ATP2B3: variants seen among roughly 807,000 people sequenced by gnomAD.
The protein encoded by ATP2B3 is ATPase plasma membrane Ca2+ transporting 3, also known as plasma membrane calcium-transporting ATPase 3.
ATP2B3 carries 12 observed loss-of-function variants against 70.8 expected under a neutral mutation model. The ratio of observed to expected loss-of-function variants is 0.17; its 90% CI spans 0.11 to 0.27. The LOEUF is 0.27. ATP2B3 is among the 10% of genes least tolerant of loss of function. The pLI, the probability that ATP2B3 is intolerant of heterozygous loss-of-function variation, is 1.00. For synonymous variants in ATP2B3, 460 were observed against 497.8 expected (o/e 0.92, Z 1.01); for missense variants, 858 against 1,118.5 (o/e 0.77, Z 3.32).
chrX:153,570,323 G>C (rs2090769593), intron 21 of ATP2B3, among the ~76,000 whole-genome samples: 1 of 112,559 alleles, frequency 8.9e-6, no homozygotes, highest in African/African-American at 3.2e-5. Flanking sequence ...CCCCAGGTGG[G>C]CTCAGTGCTG....
chrX:153,541,845 T>G lies in ATP2B3; in HGVS notation c.583T>G (p.Phe195Val). 1 of 1,211,146 alleles carries G rather than the reference T, an allele frequency of 8.3e-7. No homozygotes were observed. The highest frequency in any genetic ancestry group is 2.2e-5 in the Admixed American group (1 of 46,040). The change falls in exon 5 of 22, where the codon TTC (phenylalanine) becomes GTC (valine). Residue 195 changes from phenylalanine (F) to valine (V), a missense_variant. By Grantham distance (50) the Phe-to-Val change is conservative. Around this residue, in one of 5 missense-constraint regions of ATP2B3, gnomAD observed 278 missense variants for 366.2 expected, o/e 0.76. Transcript: ENST00000263519. ...GAGCCGAATTGAGCAGGAGCAGAAG[T>G]TCACGGTCATCCGGAACGGGCAGCT... Reference protein sequence around the residue: ...LQSRIEQEQKFTVIRNGQLLQ... With the variant: ...LQSRIEQEQKVTVIRNGQLLQ...
At chrX:153,553,360 C>A in intron 13 of ATP2B3, 91 bp downstream of exon 13, 1 of 794,961 alleles carries the variant, frequency 1.3e-6, no homozygotes, top group Non-Finnish European at 1.8e-6. Flanking sequence ...CCTTCACACA[C>A]AGCTGCTGCG....
At chrX:153,560,635 G>A (rs782473892) in intron 18 of ATP2B3, 41 bp from the exon 19 acceptor site, 78 of 1,188,219 alleles carry the variant, frequency 6.6e-5, no homozygotes, top group Non-Finnish European at 8.4e-5. Context: ...TGCGTCATGC[G>A]CTGAGATGAC....
intron 20 of ATP2B3, among the ~76,000 whole-genome samples, chrX:153,563,136 C>CTTTTTTTTTTTTTT (rs36131654): frequency 2.0e-5 from 1 of 48,795 alleles, no homozygotes; most frequent in Non-Finnish European, 3.3e-5. Flanking sequence ...CTGGCTTTTC[C>CTTTTTTTTTTTTTT]TTTTTTTTTT....
Position 153,541,767 on chromosome X carries a change from C to G in ATP2B3, c.505C>G (p.Leu169Val), listed in dbSNP as rs782555461. The change falls in exon 5 of 22, where the codon CTG becomes GTG. Residue 169 changes from leucine to valine, a missense_variant. Transcript: ENST00000263519. ...CCTGCTGTCCGTCATCTGTGTGGTG[C>G]TGGTCACGGCCTTCAATGACTGGAG... ...AILLSVICVV[L>V]VTAFNDWSKE... 13 of 1,209,983 alleles carry G rather than the reference C, an allele frequency of 1.1e-5. No homozygotes were observed. Among genetic ancestry groups the G allele is most frequent in the African/African-American group, 3.5e-5 (2 of 57,271 alleles).
intron 2 of ATP2B3, among the ~76,000 whole-genome samples, chrX:153,525,098 G>A (rs1334355393): frequency 8.9e-6 from 1 of 112,210 alleles, no homozygotes; most frequent in African/African-American, 3.2e-5. Flanking sequence ...CCTCCTGACT[G>A]AGAAACACGA....
At chrX:153,579,928 C>T in intron 21 of ATP2B3, 50 bp from the exon 22 acceptor site, 7 of 1,091,077 alleles carry the variant, frequency 6.4e-6, no homozygotes, top group Non-Finnish European at 8.7e-6. Flanking sequence ...CCTTCCTTTC[C>T]TCCCTCCCTG....
chrX:153,581,676 G>T lies in ATP2B3; in HGVS notation c.*1378G>T, dbSNP rs951200362. Reference sequence around the variant, plus strand: ...GCACCTGGATGGACTCCCACTGTTTGCTTTGGCAAATGCCGAGGAGTCCTC... The same window carrying T: ...GCACCTGGATGGACTCCCACTGTTTTCTTTGGCAAATGCCGAGGAGTCCTC... On this transcript the variant is annotated 3_prime_UTR_variant, in exon 22 of 22. Coordinates refer to ENST00000263519, the MANE Select transcript of ATP2B3 (RefSeq NM_001001344.3). 1 of 113,131 alleles carries T rather than the reference G, an allele frequency of 8.8e-6. No individual in the cohort carries two copies. Among genetic ancestry groups the T allele is most frequent in the Non-Finnish European group, 1.9e-5 (1 of 53,360 alleles). 9.3% of individuals were successfully genotyped at this position (113,131 alleles called of 1,213,427 possible). A position where few individuals can be genotyped will look rare whatever the true frequency, so the allele number is the denominator to read the frequency against.
intron 13 of ATP2B3, among the ~76,000 whole-genome samples, chrX:153,553,869 G>C (rs916742096): frequency 8.8e-6 from 1 of 113,113 alleles, no homozygotes; most frequent in African/African-American, 3.2e-5. Context: ...GCCGGCCCCG[G>C]AGGGAGAATG....
intron 21 of ATP2B3, among the ~76,000 whole-genome samples, chrX:153,572,877 G>A (rs1000928489): frequency 1.8e-5 from 2 of 112,308 alleles, no homozygotes; most frequent in Admixed American, 9.4e-5. Context: ...AGGGGGCTGC[G>A]CGTCTGCCAC....
chrX:153,559,350 C>A, intron 17 of ATP2B3: 1 of 191,217 alleles, frequency 5.2e-6, no homozygotes, highest in Non-Finnish European at 9.6e-6. Flanking sequence ...CTCAGAGGAG[C>A]TGAGAAGGAA....
chrX:153,552,709 C>T (rs1272725857), intron 12 of ATP2B3, among the ~76,000 whole-genome samples: 1 of 112,442 alleles, frequency 8.9e-6, no homozygotes, highest in African/African-American at 3.2e-5. Flanking sequence ...AATGGATTCT[C>T]CCCCAGTTCT....
At chrX:153,568,494 C>T (rs1304695019) in intron 21 of ATP2B3, among the ~76,000 whole-genome samples, 1 of 111,291 alleles carries the variant, frequency 9.0e-6, no homozygotes, top group Non-Finnish European at 1.9e-5. Context: ...GGAGACCCCC[C>T]ACCCCGCAAG....
At chrX:153,559,292 C>T (rs1603097347) in intron 17 of ATP2B3, 1 of 149,425 alleles carries the variant, frequency 6.7e-6, no homozygotes, top group Non-Finnish European at 1.3e-5. Context: ...TCAGACAGTA[C>T]GTGGCCTTGT....
At position 153,564,990 on chromosome X, in the gene ATP2B3, G is replaced by A. The variant is rs782666209; in HGVS notation, c.3229G>A (p.Glu1077Lys). ...KEAGHGPGKD[E>K]MTDEELAEGE... ...AGCCGGGCACGGGCCCGGGAAGGAC[G>A]AGATGACCGACGAGGAGCTGGCCGA... The change falls in exon 21 of 22, where the codon GAG (glutamate) becomes AAG (lysine). Residue 1077 changes from glutamate (E) to lysine (K), a missense_variant. By Grantham distance (56) the Glu-to-Lys change is moderately conservative. Transcript: ENST00000263519. 13 of 1,200,012 alleles carry A rather than the reference G, an allele frequency of 1.1e-5. No individual in the cohort carries two copies. Among genetic ancestry groups the A allele is most frequent in the Admixed American group, 4.5e-5 (2 of 44,828 alleles).
intron 21 of ATP2B3, among the ~76,000 whole-genome samples, chrX:153,572,956 T>C (rs2090811202): frequency 8.9e-6 from 1 of 112,276 alleles, no homozygotes; most frequent in African/African-American, 3.2e-5. Context: ...GCCTTTTATG[T>C]CTGTTTTCCA....
intron 21 of ATP2B3, among the ~76,000 whole-genome samples, chrX:153,571,884 G>A (rs991158424): frequency 1.1e-4 from 12 of 112,897 alleles, no homozygotes; most frequent in Admixed American, 3.7e-4. Flanking sequence ...GGACTCTGCC[G>A]TGGAGGAAGA....
chrX:153,561,905 GGAGCTGGGCCCCACTCC>G (rs2090630740), intron 19 of ATP2B3, among the ~76,000 whole-genome samples: 1 of 112,730 alleles, frequency 8.9e-6, no homozygotes, highest in South Asian at 3.6e-4. Flanking sequence ...CATGGTCAGT[GGAGCTGGGCCCCACTCC>G]GAGGCTGGAG....
At chrX:153,529,843 T>C (rs1474698059) in intron 2 of ATP2B3, among the ~76,000 whole-genome samples, 5 of 111,786 alleles carry the variant, frequency 4.5e-5, no homozygotes, top group Admixed American at 1.9e-4. Flanking sequence ...TGGCTCCTTC[T>C]ACTGAGTCCA....
Sources: gnomAD v4.1 joint callset for allele counts (sites outside exome capture counted in the v4.1 genomes callset) on GRCh38, gnomAD v4.1.1 for gene constraint, gnomAD v4.1.1 regional missense constraint, MANE v1.5 for transcripts, NCBI Gene and HGNC (gene_info 2026-07-23, HGNC 2026-07-21) for gene names.